SEMA3E: variants seen among roughly 807,000 people sequenced by gnomAD.
SEMA3E encodes the protein semaphorin 3E.
Under a neutral mutation model 93.6 loss-of-function variants are expected in SEMA3E, and 49 were observed. The ratio of observed to expected loss-of-function variants is 0.52; its 90% CI spans 0.42 to 0.66. The LOEUF is 0.66. Among genes scored for constraint, SEMA3E ranks in the 30% least tolerant of loss-of-function variants. The pLI is 0.00. For missense variants in SEMA3E, 906 were observed against 964.8 expected, an observed-to-expected ratio of 0.94 and a Z score of 0.81; for synonymous variants, 363 against 330.7, an observed-to-expected ratio of 1.10 and a Z score of -1.06.
rs1261975714 is a variant in SEMA3E, at chr7:83,367,128, G to T, written c.*458C>A. The T allele has an allele frequency of 5.2e-6, 1 of 192,528 alleles. No homozygotes were observed. Among genetic ancestry groups the T allele is most frequent in the African/African-American group, 2.4e-5 (1 of 41,708 alleles). 11.9% of individuals were successfully genotyped at this position (192,528 alleles called of 1,614,324 possible). A position where few individuals can be genotyped will look rare whatever the true frequency, so the allele number is the denominator to read the frequency against. Reference sequence around the variant, plus strand: ...AAATAATCCTTAAAGAGTACAGAAAGTTCACATGAGAATGCCAAAGTATCT... The same window carrying T: ...AAATAATCCTTAAAGAGTACAGAAATTTCACATGAGAATGCCAAAGTATCT... On this transcript the variant is annotated 3_prime_UTR_variant, in exon 17 of 17. Coordinates refer to ENST00000643230, the MANE Select transcript of SEMA3E (RefSeq NM_012431.3).
intron 4 of SEMA3E, among the ~76,000 whole-genome samples, chr7:83,433,773 C>A (rs1467701896): frequency 6.6e-6 from 1 of 152,006 alleles, no homozygotes; most frequent in Non-Finnish European, 1.5e-5. Flanking sequence ...ACGATACATA[C>A]CGAGCAAATA....
At chr7:83,578,226 G>T (rs1475265525) in intron 1 of SEMA3E, among the ~76,000 whole-genome samples, 2 of 151,202 alleles carry the variant, frequency 1.3e-5, no homozygotes, top group Non-Finnish European at 2.9e-5. Flanking sequence ...ATTTAATTTG[G>T]CTTAATGGCT....
chr7:83,484,050 T>C (rs1319605491), intron 2 of SEMA3E, among the ~76,000 whole-genome samples: 1 of 152,164 alleles, frequency 6.6e-6, no homozygotes, highest in East Asian at 1.9e-4. Flanking sequence ...TCCTTTGGAA[T>C]GTCATGGACA....
intron 2 of SEMA3E, among the ~76,000 whole-genome samples, chr7:83,476,311 C>T (rs961683901): frequency 6.6e-6 from 1 of 152,082 alleles, no homozygotes; most frequent in Admixed American, 6.6e-5. Context: ...TAAAATTTTC[C>T]AGTTTAATCG....
intron 4 of SEMA3E, among the ~76,000 whole-genome samples, chr7:83,428,527 A>C (rs1361800348): frequency 1.3e-5 from 2 of 152,202 alleles, no homozygotes; most frequent in Non-Finnish European, 2.9e-5. Flanking sequence ...AATAATAGCT[A>C]CATGATAATG....
rs1487668375 is a variant in SEMA3E at position 83,400,269 on chromosome 7, A to C, written c.1144-19T>G. On this transcript the variant is annotated intron_variant, in intron 10 of 16. Coordinates refer to ENST00000643230, the MANE Select transcript of SEMA3E (RefSeq NM_012431.3). Reference sequence around the variant, plus strand: ...TGGCACACTGAAAAACAAGTGGATCAGATAATTCTTTTTGCTTTACACCCA... The same window carrying C: ...TGGCACACTGAAAAACAAGTGGATCCGATAATTCTTTTTGCTTTACACCCA... 4 of 1,609,784 alleles carry C rather than the reference A, an allele frequency of 2.5e-6. No homozygotes were observed. The African/African-American group carries it at 5.3e-5, about 22-fold the overall frequency.
At chr7:83,641,853 C>T (rs1324464628) in intron 1 of SEMA3E, among the ~76,000 whole-genome samples, 1 of 152,154 alleles carries the variant, frequency 6.6e-6, no homozygotes, top group Non-Finnish European at 1.5e-5. Context: ...TAAAAAGCTT[C>T]CTAAGGGTTA....
chr7:83,553,767 G>T (rs1262808182), intron 1 of SEMA3E, among the ~76,000 whole-genome samples: 1 of 151,952 alleles, frequency 6.6e-6, no homozygotes, highest in Non-Finnish European at 1.5e-5. Context: ...CATAGACAAA[G>T]TTGTCAATCC....
chr7:83,597,918 G>A (rs1385961516), intron 1 of SEMA3E, among the ~76,000 whole-genome samples: 1 of 152,142 alleles, frequency 6.6e-6, no homozygotes. Context: ...ATACAAGAAT[G>A]TATATAAGAG....
At chr7:83,424,810 C>A (rs193125211) in intron 4 of SEMA3E, 3 of 171,768 alleles carry the variant, frequency 1.7e-5, no homozygotes, top group South Asian at 2.7e-4. Flanking sequence ...GAAAGCCAAC[C>A]GGGATGATGC....
At chr7:83,501,369 A>G (rs1405269382) in intron 1 of SEMA3E, among the ~76,000 whole-genome samples, 1 of 152,242 alleles carries the variant, frequency 6.6e-6, no homozygotes, top group Non-Finnish European at 1.5e-5. Context: ...ACTCAAAAAT[A>G]TCCTGTTATA....
chr7:83,420,336 A>C (rs1788648635), intron 4 of SEMA3E, among the ~76,000 whole-genome samples: 1 of 152,156 alleles, frequency 6.6e-6, no homozygotes, highest in Admixed American at 6.6e-5. Context: ...CATTCCATTC[A>C]GATGGACTGG....
At chr7:83,550,200 C>T (rs997534850) in intron 1 of SEMA3E, among the ~76,000 whole-genome samples, 17 of 152,094 alleles carry the variant, frequency 1.1e-4, no homozygotes, top group African/African-American at 3.4e-4. Context: ...ATTTAGAGAA[C>T]GGATAACACC....
At chr7:83,412,904 ATTAATT>A (rs1187623444) in intron 5 of SEMA3E, among the ~76,000 whole-genome samples, 1 of 152,138 alleles carries the variant, frequency 6.6e-6, no homozygotes, top group Non-Finnish European at 1.5e-5. Context: ...GCCTTACGTT[ATTAATT>A]TTAATAGATT....
chr7:83,635,094 A>T (rs1366218751), intron 1 of SEMA3E, among the ~76,000 whole-genome samples: 1 of 152,048 alleles, frequency 6.6e-6, no homozygotes, highest in African/African-American at 2.4e-5. Context: ...TGTGGTTACC[A>T]TTCATCTGAC....
chr7:83,403,052 T>A (rs1230547844), intron 9 of SEMA3E, among the ~76,000 whole-genome samples: 1 of 151,928 alleles, frequency 6.6e-6, no homozygotes, highest in African/African-American at 2.4e-5. Context: ...AAACCTTGTG[T>A]TTTTATATTT....
At chr7:83,576,344 C>T (rs1278856320) in intron 1 of SEMA3E, among the ~76,000 whole-genome samples, 1 of 151,992 alleles carries the variant, frequency 6.6e-6, no homozygotes. Flanking sequence ...AACTCATATG[C>T]TAGTTACAAT....
In SEMA3E at chr7:83,445,542, A is replaced by AC. The variant is rs1471949705; in HGVS notation, c.456+20939dup. Reference sequence around the variant, plus strand: ...AGACAGGCCTGGCCAACATGGTGAAACCCCGTCCCTACTAATAATACAAAA... The same window carrying AC: ...AGACAGGCCTGGCCAACATGGTGAAACCCCCGTCCCTACTAATAATACAAAA... On this transcript the variant is annotated intron_variant, in intron 4 of 16. Transcript: ENST00000643230. 2.0e-5 allele frequency among the ~76,000 whole-genome samples: 3 copies of AC among 151,784 alleles called. No individual in the cohort carries two copies. The East Asian group carries it at 5.8e-4, about 29-fold the overall frequency.
At chr7:83,424,359 T>G (rs1788728297) in intron 4 of SEMA3E, among the ~76,000 whole-genome samples, 1 of 152,216 alleles carries the variant, frequency 6.6e-6, no homozygotes, top group Non-Finnish European at 1.5e-5. Flanking sequence ...GAAACTTGAT[T>G]GTTAGATTAA....
Sources: allele counts gnomAD v4.1 joint callset (sites outside exome capture counted in the v4.1 genomes callset), GRCh38; gene constraint gnomAD v4.1.1; transcripts MANE v1.5; gene names NCBI Gene and HGNC (gene_info 2026-07-23, HGNC 2026-07-21).